Variants in LCOR observed in about 807,000 individuals in gnomAD.
LCOR encodes ligand dependent nuclear receptor corepressor, also known as ligand-dependent corepressor.
LCOR carries 14 observed loss-of-function variants against 64.4 expected under a neutral mutation model. The observed-to-expected ratio is 0.22, with a 90% CI of 0.14 to 0.34. LCOR has a LOEUF of 0.34. Ranked by LOEUF, LCOR falls within the 10% of genes least tolerant of loss-of-function variation. The probability of loss-of-function intolerance (pLI) is 1.00; values close to 1 mark genes in which losing one functional copy is unlikely to be tolerated. For synonymous variants in LCOR, 643 were observed against 642.5 expected (o/e 1.00, Z -0.01); for missense variants, 1,686 against 1,765.3 (o/e 0.96, Z 0.80).
At chr10:96,903,448 T>G (rs555691279) in intron 2 of LCOR, among the ~76,000 whole-genome samples, 1 of 152,176 alleles carries the variant, frequency 6.6e-6, no homozygotes, top group Admixed American at 6.5e-5. Flanking sequence ...CCAAGCTCAG[T>G]ACAAGCTTGC....
Position 96,987,840 on chromosome 10 carries a change from C to G in LCOR, c.*2706C>G, listed in dbSNP as rs773214430. 2.6e-4 allele frequency: 39 copies of G among 152,214 alleles called. No homozygotes were observed. Among genetic ancestry groups the G allele is most frequent in the African/African-American group, 8.7e-4 (36 of 41,440 alleles). The allele number at this position is 152,214 out of a possible 1,614,324, so 9.4% of individuals were successfully genotyped here. On this transcript the variant is annotated 3_prime_UTR_variant, in exon 8 of 8. Coordinates refer to ENST00000421806, the MANE Select transcript of LCOR (RefSeq NM_001346516.2). ...TCCAAGCTCAGGTGTGGTATTGACTCAAGTCTGCTATTGTTTTCCCTACCT... is the reference window on the plus strand; with the variant it reads ...TCCAAGCTCAGGTGTGGTATTGACTGAAGTCTGCTATTGTTTTCCCTACCT...
intron 2 of LCOR, among the ~76,000 whole-genome samples, chr10:96,842,551 T>G (rs1339850008): frequency 6.6e-6 from 1 of 152,154 alleles, no homozygotes; most frequent in Admixed American, 6.5e-5. Context: ...TTTAATATAG[T>G]AACAGGCTCC....
chr10:96,838,716 A>T (rs1845488839), intron 2 of LCOR, among the ~76,000 whole-genome samples: 1 of 152,200 alleles, frequency 6.6e-6, no homozygotes, highest in African/African-American at 2.4e-5. Flanking sequence ...CATTTTGTTT[A>T]TCCGTTAATC....
chr10:96,864,110 A>G (rs1845932664), intron 2 of LCOR, among the ~76,000 whole-genome samples: 1 of 152,208 alleles, frequency 6.6e-6, no homozygotes, highest in Admixed American at 6.5e-5. Context: ...AAGGTCCAAT[A>G]TCTTAGAAAC....
chr10:96,982,518 T>C lies in LCOR; in HGVS notation c.2058T>C (p.Ile686=). 1 of 1,614,164 alleles carries C rather than the reference T, an allele frequency of 6.2e-7. No individual in the cohort carries two copies. ...SFSGGVSEDV[I]SRPHSPPEIV... The stretch of plus-strand genomic sequence containing the variant: ...CCGGGGGAGTCAGTGAAGATGTCAT[T>C]TCTAGGCCTCATTCTCCTCCTGAAA... Residue 686 remains isoleucine, a synonymous_variant, in exon 8 of 8, where the codon ATT becomes ATC. Coordinates refer to ENST00000421806, the MANE Select transcript of LCOR (RefSeq NM_001346516.2).
chr10:96,851,058 C>G (rs983799023), intron 2 of LCOR, among the ~76,000 whole-genome samples: 37 of 152,302 alleles, frequency 2.4e-4, no homozygotes, highest in African/African-American at 8.7e-4. Flanking sequence ...TTGCTGTTTT[C>G]AAGGAGTGAA....
rs1448562111 is a variant in LCOR, at chr10:96,988,673, G to A, written c.*3539G>A. 1 of 152,150 alleles carries A rather than the reference G, an allele frequency of 6.6e-6. No homozygotes were observed. The highest frequency in any genetic ancestry group is 2.4e-5 in the African/African-American group (1 of 41,432). The allele number at this position is 152,150 out of a possible 1,614,324, so 9.4% of individuals were successfully genotyped here. A position where few individuals can be genotyped will look rare whatever the true frequency, so the allele number is the denominator to read the frequency against. ...ATGGGCAGCATTCCTGTTGATTAGT[G>A]GACCTAAGAGCCAAGTAGGAAAATA... is the stretch of plus-strand genomic sequence containing the variant. On this transcript the variant is annotated 3_prime_UTR_variant, in exon 8 of 8. Transcript: ENST00000421806.
chr10:96,963,563 T>TG (rs1163180153), intron 7 of LCOR: 2 of 152,316 alleles, frequency 1.3e-5, no homozygotes, highest in East Asian at 3.9e-4. Context: ...AAGTTGGTGT[T>TG]GTAACATGAG....
At chr10:96,900,904 G>T (rs1332879259) in intron 2 of LCOR, among the ~76,000 whole-genome samples, 2 of 150,596 alleles carry the variant, frequency 1.3e-5, no homozygotes, top group Non-Finnish European at 3.0e-5. Flanking sequence ...TAAGAGATGG[G>T]GTCGGCCGGG....
intron 2 of LCOR, among the ~76,000 whole-genome samples, chr10:96,905,159 A>G (rs2134450671): frequency 1.3e-5 from 2 of 152,176 alleles, no homozygotes; most frequent in East Asian, 1.9e-4. Flanking sequence ...CTTATGTCAG[A>G]TTCTGTTCTT....
intron 7 of LCOR, among the ~76,000 whole-genome samples, chr10:96,971,221 C>A (rs1488863257): frequency 6.6e-6 from 1 of 152,196 alleles, no homozygotes; most frequent in Non-Finnish European, 1.5e-5. Flanking sequence ...AAATTCCCTT[C>A]TTTCCCTGCC....
chr10:96,853,519 C>G (rs1845753713), intron 2 of LCOR, among the ~76,000 whole-genome samples: 1 of 152,170 alleles, frequency 6.6e-6, no homozygotes, highest in Non-Finnish European at 1.5e-5. Context: ...GTTTGAGGTT[C>G]AGCTAATCTG....
chr10:96,914,360 G>T (rs982244729), intron 4 of LCOR, among the ~76,000 whole-genome samples: 1 of 152,074 alleles, frequency 6.6e-6, no homozygotes, highest in African/African-American at 2.4e-5. Context: ...ACCACACCTG[G>T]CTAATTTGGT....
Position 96,845,449 on chromosome 10 carries a change from C to CTTTTTTTTTTTTTTTTTT in LCOR, c.-330+11990_-330+12007dup, listed in dbSNP as rs762639752. ...TTTGCCTCTTATAAATGGGCTTATC[C>CTTTTTTTTTTTTTTTTTT]TTTTTTTTTTTTTTTTTTTTTTTTT... On this transcript the variant is annotated intron_variant, in intron 2 of 7. Transcript: ENST00000421806. Among the ~76,000 whole-genome samples the CTTTTTTTTTTTTTTTTTT allele has an allele frequency of 6.2e-5, 3 of 48,686 alleles. 1 individual carries two copies. Among genetic ancestry groups the CTTTTTTTTTTTTTTTTTT allele is most frequent in the Non-Finnish European group, 1.1e-4 (3 of 26,744 alleles). 31.9% of individuals were successfully genotyped at this position (48,686 alleles called of 152,430 possible). A position where few individuals can be genotyped will look rare whatever the true frequency, so the allele number is the denominator to read the frequency against.
At chr10:96,892,421 C>T (rs1035547291) in intron 2 of LCOR, among the ~76,000 whole-genome samples, 2 of 152,048 alleles carry the variant, frequency 1.3e-5, no homozygotes, top group Non-Finnish European at 2.9e-5. Flanking sequence ...AAAATTATTT[C>T]TCACAGTTCT....
intron 5 of LCOR, among the ~76,000 whole-genome samples, chr10:96,946,695 G>A (rs1270000582): frequency 1.3e-5 from 2 of 152,016 alleles, no homozygotes; most frequent in Non-Finnish European, 2.9e-5. Flanking sequence ...AAATTCAAAT[G>A]GCAGAGATGT....
chr10:96,897,377 G>A (rs2134440930), intron 2 of LCOR, among the ~76,000 whole-genome samples: 1 of 152,256 alleles, frequency 6.6e-6, no homozygotes, highest in African/African-American at 2.4e-5. Flanking sequence ...GTGGCCTATG[G>A]ATTGTGAACT....
chr10:96,963,737 CCTCTTTA>C (rs1564641216), intron 7 of LCOR: 2 of 152,102 alleles, frequency 1.3e-5, no homozygotes, highest in African/African-American at 2.4e-5. Context: ...TTAAGACTTG[CCTCTTTA>C]AAATTGCTTT....
intron 4 of LCOR, among the ~76,000 whole-genome samples, chr10:96,920,532 ATATG>A (rs1416147992): frequency 2.1e-5 from 3 of 144,256 alleles, no homozygotes; most frequent in East Asian, 4.1e-4. Context: ...ATATGTGTAT[ATATG>A]TATGTATATT....
Sources: gnomAD v4.1 joint callset for allele counts (sites outside exome capture counted in the v4.1 genomes callset) on GRCh38, gnomAD v4.1.1 for gene constraint, MANE v1.5 for transcripts, NCBI Gene and HGNC (gene_info 2026-07-23, HGNC 2026-07-21) for gene names.